The following PTPRD variants were observed in gnomAD, a reference collection of about 807,000 sequenced individuals.
PTPRD encodes protein tyrosine phosphatase receptor type D, also known as receptor-type tyrosine-protein phosphatase delta.
A neutral mutation model predicts 214.5 loss-of-function variants in PTPRD; 34 were observed. The ratio of observed to expected loss-of-function variants is 0.16; its 90% CI spans 0.12 to 0.21. The LOEUF is 0.21. Ranked by LOEUF, PTPRD falls within the 10% of genes least tolerant of loss-of-function variation. PTPRD has a pLI of 1.00. For synonymous variants in PTPRD, 1,128 were observed against 845.7 expected, an observed-to-expected ratio of 1.33 and a Z score of -5.79; for missense variants, 2,545 against 2,398.7, an observed-to-expected ratio of 1.06 and a Z score of -1.27.
intron 4 of PTPRD, among the ~76,000 whole-genome samples, chr9:10,023,979 T>G (rs1198954441): frequency 6.7e-6 from 1 of 148,446 alleles, no homozygotes; most frequent in Non-Finnish European, 1.5e-5. Flanking sequence ...CTCTAATTAT[T>G]TTGGTTTAAA....
intron 2 of PTPRD, among the ~76,000 whole-genome samples, chr9:10,461,526 T>A (rs1374114201): frequency 2.6e-5 from 4 of 152,054 alleles, no homozygotes. Context: ...TCCTGTCACT[T>A]GTCACAATAT....
At chr9:8,703,532 G>A (rs2098134789) in intron 12 of PTPRD, among the ~76,000 whole-genome samples, 1 of 152,116 alleles carries the variant, frequency 6.6e-6, no homozygotes, top group South Asian at 2.1e-4. Flanking sequence ...AAACCTCTAT[G>A]CATGCGGCCT....
chr9:8,360,567 T>A (rs1165370338), intron 39 of PTPRD, among the ~76,000 whole-genome samples: 1 of 152,206 alleles, frequency 6.6e-6, no homozygotes, highest in Non-Finnish European at 1.5e-5. Flanking sequence ...TCATATATGA[T>A]GATTAAGCTT....
intron 11 of PTPRD, among the ~76,000 whole-genome samples, chr9:8,892,437 G>C (rs1290270590): frequency 6.6e-6 from 1 of 151,858 alleles, no homozygotes; most frequent in South Asian, 2.1e-4. Flanking sequence ...TCTGTGTTAA[G>C]CACTGGGGAT....
intron 2 of PTPRD, among the ~76,000 whole-genome samples, chr9:10,520,671 C>G (rs1015624787): frequency 6.6e-6 from 1 of 152,132 alleles, no homozygotes; most frequent in African/African-American, 2.4e-5. Flanking sequence ...GACAGGTTGA[C>G]TCTCTTGCTA....
At chr9:9,054,884 A>C (rs2099693391) in intron 10 of PTPRD, among the ~76,000 whole-genome samples, 1 of 152,184 alleles carries the variant, frequency 6.6e-6, no homozygotes, top group African/African-American at 2.4e-5. Flanking sequence ...AACACAAAGA[A>C]GAAGACTGGC....
chr9:8,801,572 C>T (rs945893278), intron 11 of PTPRD, among the ~76,000 whole-genome samples: 17 of 152,028 alleles, frequency 1.1e-4, no homozygotes, highest in African/African-American at 3.1e-4. Context: ...CAAAATTAGC[C>T]AGGCATGGTG....
At chr9:10,183,169 T>C (rs978371487) in intron 3 of PTPRD, among the ~76,000 whole-genome samples, 19 of 152,222 alleles carry the variant, frequency 1.2e-4, no homozygotes, top group African/African-American at 4.1e-4. Flanking sequence ...AAAGGAAGTG[T>C]TTGCCATTTT....
intron 7 of PTPRD, among the ~76,000 whole-genome samples, chr9:9,621,373 C>T (rs1414439330): frequency 6.6e-6 from 1 of 152,178 alleles, no homozygotes; most frequent in Non-Finnish European, 1.5e-5. Flanking sequence ...ATCCCTCATC[C>T]TATTTTATTA....
intron 39 of PTPRD, among the ~76,000 whole-genome samples, chr9:8,371,098 G>A (rs1053552779): frequency 5.3e-5 from 8 of 152,004 alleles, no homozygotes; most frequent in African/African-American, 1.9e-4. Context: ...TTTAATCATG[G>A]AATAGATGGT....
chr9:10,449,666 G>T (rs1588432713), intron 2 of PTPRD, among the ~76,000 whole-genome samples: 2 of 151,684 alleles, frequency 1.3e-5, no homozygotes, highest in South Asian at 2.1e-4. Flanking sequence ...TGGGATGTGA[G>T]GAGCGCCTCT....
At chr9:8,928,704 G>A (rs1430980161) in intron 11 of PTPRD, among the ~76,000 whole-genome samples, 2 of 152,092 alleles carry the variant, frequency 1.3e-5, no homozygotes, top group East Asian at 3.9e-4. Context: ...GAAATTTAAA[G>A]TAGCTTTTTC....
intron 9 of PTPRD, among the ~76,000 whole-genome samples, chr9:9,324,541 G>C (rs1328658148): frequency 1.3e-5 from 2 of 151,932 alleles, no homozygotes; most frequent in Non-Finnish European, 2.9e-5. Flanking sequence ...GGGGTTGTTT[G>C]ATTTTTTTCT....
chr9:10,285,077 T>A (rs931556607), intron 3 of PTPRD, among the ~76,000 whole-genome samples: 1 of 152,182 alleles, frequency 6.6e-6, no homozygotes, highest in Non-Finnish European at 1.5e-5. Flanking sequence ...GAACTAAAAA[T>A]TTACTTTTAA....
chr9:9,520,804 T>G (rs1043778642), intron 8 of PTPRD, among the ~76,000 whole-genome samples: 3 of 152,140 alleles, frequency 2.0e-5, no homozygotes, highest in East Asian at 1.9e-4. Context: ...ATTAAAGCAG[T>G]CTACGAGTCG....
At chr9:9,019,261 A>T (rs1025870924) in intron 10 of PTPRD, among the ~76,000 whole-genome samples, 26 of 151,110 alleles carry the variant, frequency 1.7e-4, no homozygotes, top group African/African-American at 5.6e-4. Flanking sequence ...TAATGTTATC[A>T]AGAAAGAAAG....
intron 5 of PTPRD, among the ~76,000 whole-genome samples, chr9:9,836,457 G>A (rs1353218630): frequency 6.6e-6 from 1 of 152,042 alleles, no homozygotes; most frequent in Admixed American, 6.6e-5. Flanking sequence ...TCAAAAATTT[G>A]AACTTTCTCT....
chr9:9,321,757 T>C (rs1488419218), intron 9 of PTPRD, among the ~76,000 whole-genome samples: 1 of 152,164 alleles, frequency 6.6e-6, no homozygotes, highest in Non-Finnish European at 1.5e-5. Flanking sequence ...ATTTCTACAT[T>C]TGTAGAATGG....
At chr9:8,938,658 G>A (rs962623360) in intron 11 of PTPRD, among the ~76,000 whole-genome samples, 2 of 151,810 alleles carry the variant, frequency 1.3e-5, no homozygotes, top group African/African-American at 4.8e-5. Flanking sequence ...GGCTCCTGGT[G>A]ACCTTTCTTA....
Sources: allele counts gnomAD v4.1 joint callset (sites outside exome capture counted in the v4.1 genomes callset), GRCh38; gene constraint gnomAD v4.1.1; transcripts MANE v1.5; gene names NCBI Gene and HGNC (gene_info 2026-07-23, HGNC 2026-07-21).